The following RPS6KA6 variants were observed in gnomAD, a reference collection of about 807,000 sequenced individuals.
RPS6KA6 encodes ribosomal protein S6 kinase A6, also known as ribosomal protein S6 kinase alpha-6.
RPS6KA6 carries 27 observed loss-of-function variants against 65.4 expected under a neutral mutation model. The observed-to-expected ratio is 0.41, with a 90% CI of 0.30 to 0.57. The LOEUF is 0.57. Ranked by LOEUF, RPS6KA6 falls within the 20% of genes least tolerant of loss-of-function variation. The pLI is 0.24. For synonymous variants in RPS6KA6, 190 were observed against 184.2 expected (o/e 1.03, Z -0.26); for missense variants, 486 against 555.6 (o/e 0.87, Z 1.26).
intron 8 of RPS6KA6, among the ~76,000 whole-genome samples, chrX:84,120,741 G>C (rs1217142496): frequency 9.0e-6 from 1 of 111,541 alleles, no homozygotes; most frequent in Non-Finnish European, 1.9e-5. Context: ...TCCCCAAACT[G>C]ATATACCAAT....
At chrX:84,182,052 CT>C (rs2035861596) in intron 1 of RPS6KA6, among the ~76,000 whole-genome samples, 1 of 93,354 alleles carries the variant, frequency 1.1e-5, no homozygotes, top group Non-Finnish European at 2.2e-5. Flanking sequence ...CTCTCTCTCT[CT>C]CTCTCTCTCT....
chrX:84,064,389 G>A lies in RPS6KA6; in HGVS notation c.2126C>T (p.Ala709Val). Reference protein sequence around the residue: ...VSHVVKGAMVATYSALTHKTF... With the variant: ...VSHVVKGAMVVTYSALTHKTF... ...CTTGTGAGTCAGGGCAGAGTATGTT[G>A]CAACCATTGCTCCCTAAAGTAATGA... Residue 709 changes from alanine (A) to valine (V), a missense_variant, in exon 22 of 22, where the codon GCA (alanine) becomes GTA (valine). Ala to Val is a moderately conservative substitution (Grantham distance 64). This residue lies in a region of RPS6KA6 where 345 missense variants were observed against 375.0 expected (regional missense o/e 0.92). Transcript: ENST00000262752. The A allele has an allele frequency of 8.4e-7, 1 of 1,197,278 alleles. No individual in the cohort carries two copies. The highest frequency in any genetic ancestry group is 1.1e-6 in the Non-Finnish European group (1 of 889,552).
chrX:84,068,241 T>C (rs1415672727), intron 20 of RPS6KA6, among the ~76,000 whole-genome samples: 1 of 111,871 alleles, frequency 8.9e-6, no homozygotes, highest in African/African-American at 3.3e-5. Flanking sequence ...AGCATCATGA[T>C]GACACGATCA....
intron 20 of RPS6KA6, among the ~76,000 whole-genome samples, chrX:84,087,950 C>T (rs145757292): frequency 0.062 from 6,943 of 112,021 alleles, 230 homozygotes; most frequent in East Asian, 0.21. Context: ...TATTCTGCTA[C>T]TGATACTTGT....
chrX:84,064,877 T>C, intron 21 of RPS6KA6, 94 bp downstream of exon 21: 4 of 619,607 alleles, frequency 6.5e-6, no homozygotes, highest in Non-Finnish European at 9.8e-6. Context: ...AAAGATATTT[T>C]AAGGAATTAT....
At chrX:84,177,602 A>C (rs989881897) in intron 1 of RPS6KA6, among the ~76,000 whole-genome samples, 3 of 111,928 alleles carry the variant, frequency 2.7e-5, no homozygotes, top group African/African-American at 9.7e-5. Context: ...CAACTTAATT[A>C]GCACAATATT....
chrX:84,163,206 A>G (rs1265898024), intron 2 of RPS6KA6, among the ~76,000 whole-genome samples: 1 of 112,048 alleles, frequency 8.9e-6, no homozygotes, highest in East Asian at 2.8e-4. Flanking sequence ...ACCTAAAAGG[A>G]AGCATACTGC....
chrX:84,164,305 A>G (rs780775661), intron 2 of RPS6KA6, 23 bp downstream of exon 2: 1 of 1,126,272 alleles, frequency 8.9e-7, no homozygotes, highest in East Asian at 3.0e-5. Context: ...AATGTGGCTT[A>G]ATAAATTAAC....
At chrX:84,066,539 C>T (rs1004799688) in intron 20 of RPS6KA6, among the ~76,000 whole-genome samples, 5 of 110,892 alleles carry the variant, frequency 4.5e-5, no homozygotes, top group African/African-American at 1.6e-4. Context: ...CGCAGCAAAG[C>T]GGCTGTGACC....
chrX:84,132,162 C>T (rs1429613006), intron 8 of RPS6KA6, among the ~76,000 whole-genome samples: 3 of 111,173 alleles, frequency 2.7e-5, no homozygotes, highest in Non-Finnish European at 3.8e-5. Context: ...GTGGCTCACA[C>T]CTGTTACCCC....
chrX:84,115,753 C>T (rs1396592799), intron 12 of RPS6KA6, among the ~76,000 whole-genome samples: 1 of 111,772 alleles, frequency 8.9e-6, no homozygotes, highest in Non-Finnish European at 1.9e-5. Context: ...TATATAGACA[C>T]CATGGAATAC....
At chrX:84,079,082 G>C (rs1316773562) in intron 20 of RPS6KA6, among the ~76,000 whole-genome samples, 1 of 111,358 alleles carries the variant, frequency 9.0e-6, no homozygotes, top group Non-Finnish European at 1.9e-5. Context: ...CACAAAAGGT[G>C]GGTGATTTCT....
intron 20 of RPS6KA6, among the ~76,000 whole-genome samples, chrX:84,090,863 A>C (rs1228484221): frequency 8.9e-6 from 1 of 111,995 alleles, no homozygotes; most frequent in Non-Finnish European, 1.9e-5. Flanking sequence ...ACAGAAACAA[A>C]GTGGGTCAAC....
chrX:84,072,552 A>G (rs1474436473), intron 20 of RPS6KA6, among the ~76,000 whole-genome samples: 1 of 111,751 alleles, frequency 8.9e-6, no homozygotes, highest in East Asian at 2.8e-4. Flanking sequence ...AGTCCTAGCC[A>G]GAACAATTGG....
chrX:84,186,300 C>T, intron 1 of RPS6KA6: 1 of 349,329 alleles, frequency 2.9e-6, no homozygotes, highest in Non-Finnish European at 5.0e-6. Context: ...TATATCAAAG[C>T]ATTTAACTGT....
chrX:84,164,189 G>GT, intron 2 of RPS6KA6, 139 bp downstream of exon 2: 1 of 487,282 alleles, frequency 2.1e-6, no homozygotes, highest in Non-Finnish European at 3.5e-6. Context: ...TTAAACTGCA[G>GT]TTGAGTTATT....
intron 6 of RPS6KA6, among the ~76,000 whole-genome samples, chrX:84,142,919 A>G (rs1395009811): frequency 4.5e-5 from 5 of 111,130 alleles, no homozygotes; most frequent in Non-Finnish European, 9.5e-5. Flanking sequence ...GCAATTTATC[A>G]TTGAATCTAC....
intron 1 of RPS6KA6, among the ~76,000 whole-genome samples, chrX:84,183,801 AACCACCACCACCCCCACC>A (rs746687441): frequency 4.5e-5 from 5 of 110,165 alleles, no homozygotes; most frequent in African/African-American, 6.6e-5. Flanking sequence ...TCCATTCCTA[AACCACCACCACCCCCACC>A]ACCACCACCA....
intron 3 of RPS6KA6, among the ~76,000 whole-genome samples, chrX:84,154,944 A>G (rs1301651516): frequency 8.9e-6 from 1 of 112,172 alleles, no homozygotes; most frequent in African/African-American, 3.2e-5. Flanking sequence ...AGCGTTCAAT[A>G]AATGTCTTTC....
Sources: allele counts gnomAD v4.1 joint callset (sites outside exome capture counted in the v4.1 genomes callset), GRCh38; gene constraint gnomAD v4.1.1; regional missense constraint gnomAD v4.1.1; transcripts MANE v1.5; gene names NCBI Gene and HGNC (gene_info 2026-07-23, HGNC 2026-07-21).